The following IGSF10 variants were observed in gnomAD, a reference collection of about 807,000 sequenced individuals.
IGSF10 encodes the protein immunoglobulin superfamily member 10, also known as calvaria mechanical force protein 608.
Under a neutral mutation model 128.2 loss-of-function variants are expected in IGSF10, and 126 were observed. The ratio of observed to expected loss-of-function variants is 0.98; its 90% CI spans 0.85 to 1.14. The LOEUF (loss-of-function observed/expected upper bound fraction) is 1.14, where lower values mean the gene tolerates loss of function less well. IGSF10 is among the 50% of genes most tolerant of loss of function. The pLI, the probability that IGSF10 is intolerant of heterozygous loss-of-function variation, is 0.00. For synonymous variants in IGSF10, 1,185 were observed against 1,146.2 expected (o/e 1.03, Z -0.68); for missense variants, 3,295 against 3,149.8 (o/e 1.05, Z -1.10).
the IGSF10 span, among the ~76,000 whole-genome samples, chr3:151,492,458 AAATATT>A: frequency 2.0e-3 from 304 of 152,262 alleles, no homozygotes; most frequent in Non-Finnish European, 3.7e-3. Flanking sequence ...AGTTTTCTGA[AAATATT>A]AAAATTGGAA....
At chr3:151,436,145 C>CATCA (rs1720159981), downstream of IGSF10, 1 of 151,980 alleles carries the variant, frequency 6.6e-6, no homozygotes, top group African/African-American at 2.4e-5. Context: ...TTGTATTCCC[C>CATCA]ATCAATGAAA....
chr3:151,500,084 C>T, the IGSF10 span, among the ~76,000 whole-genome samples: 2 of 152,070 alleles, frequency 1.3e-5, no homozygotes, highest in African/African-American at 4.8e-5. Context: ...ACATTAATTA[C>T]CAATGAATTT....
the IGSF10 span, among the ~76,000 whole-genome samples, chr3:151,568,699 T>C: frequency 2.0e-5 from 3 of 152,142 alleles, no homozygotes; most frequent in Non-Finnish European, 4.4e-5. Flanking sequence ...AACCCTCCCA[T>C]GCAATAGAAA....
chr3:151,535,675 T>A, the IGSF10 span, among the ~76,000 whole-genome samples: 16 of 152,274 alleles, frequency 1.1e-4, no homozygotes, highest in South Asian at 4.1e-4. Flanking sequence ...TACATATATA[T>A]AAAGTATGGT....
chr3:151,461,277 C>A (rs1389495621), upstream of IGSF10: 9 of 985,244 alleles, frequency 9.1e-6, no homozygotes, highest in Non-Finnish European at 1.1e-5. Context: ...GTTTCAGTGG[C>A]CGCCCGTTCA....
At chr3:151,459,398 G>T (rs938355345) in intron 2 of IGSF10, among the ~76,000 whole-genome samples, 2 of 152,000 alleles carry the variant, frequency 1.3e-5, no homozygotes, top group Non-Finnish European at 2.9e-5. Flanking sequence ...TAATCCACTG[G>T]AAGGGAGAAT....
the IGSF10 span, among the ~76,000 whole-genome samples, chr3:151,492,224 G>A: frequency 2.0e-5 from 3 of 152,040 alleles, no homozygotes; most frequent in African/African-American, 7.2e-5. Flanking sequence ...TTTCTTCAAA[G>A]ACTACATATA....
chr3:151,462,110 A>G (rs1025251138), upstream of IGSF10, among the ~76,000 whole-genome samples: 15 of 152,050 alleles, frequency 9.9e-5, no homozygotes, highest in African/African-American at 3.4e-4. Context: ...CACATGTAAT[A>G]TCTCCTGCAA....
the IGSF10 span, among the ~76,000 whole-genome samples, chr3:151,600,802 T>C: frequency 6.6e-6 from 1 of 152,148 alleles, no homozygotes; most frequent in Non-Finnish European, 1.5e-5. Flanking sequence ...GACTGATAGA[T>C]GAAAAAATAA....
the IGSF10 span, among the ~76,000 whole-genome samples, chr3:151,587,906 G>A: frequency 6.6e-6 from 1 of 152,304 alleles, no homozygotes; most frequent in South Asian, 2.1e-4. Context: ...TGCCATGATT[G>A]TGGGGCTTCC....
the IGSF10 span, among the ~76,000 whole-genome samples, chr3:151,470,401 G>A: frequency 1.3e-5 from 2 of 152,154 alleles, no homozygotes; most frequent in Non-Finnish European, 2.9e-5. Context: ...GCAACCAAAA[G>A]ACAATTAAGA....
chr3:151,569,221 G>A, the IGSF10 span, among the ~76,000 whole-genome samples: 60 of 152,258 alleles, frequency 3.9e-4, no homozygotes, highest in Middle Eastern at 0.01. Flanking sequence ...ACAGGTATGC[G>A]CTACCACATC....
Position 151,446,160 on chromosome 3 carries a change from G to A in IGSF10, c.3821C>T (p.Thr1274Met), listed in dbSNP as rs185781794. Residue 1274 changes from threonine to methionine, a missense_variant, in exon 6 of 8, where the codon ACG becomes ATG. Physicochemically the swap from Thr to Met is moderately conservative, Grantham distance 81 (BLOSUM62 -1). Coordinates refer to ENST00000282466, the MANE Select transcript of IGSF10 (RefSeq NM_178822.5). ...SNTLTTAHHT[T>M]TKTHNPGSLP... Reference sequence around the variant, plus strand: ...ACTTCCAGGATTGTGTGTTTTGGTCGTAGTGTGGTGAGCGGTAGTCAAGGT... The same window carrying A: ...ACTTCCAGGATTGTGTGTTTTGGTCATAGTGTGGTGAGCGGTAGTCAAGGT... 2.9e-4 allele frequency: 465 copies of A among 1,614,112 alleles called. 6 individuals are homozygous for A. In the South Asian group the frequency reaches 4.6e-3, roughly 16 times the overall value.
Position 151,448,033 on chromosome 3 carries a change from G to C in IGSF10, c.1948C>G (p.Pro650Ala). The part of the protein sequence containing the change: ...QGYYRCVAAN[P>A]SGVDFLIFQV... ...AAAATCAAAAAATCAACCCCTGATG[G>C]GTTGGCTGCCACACAGCGATAATAA... The change falls in exon 6 of 8, where the codon CCA becomes GCA. Residue 650 changes from proline to alanine, a missense_variant. Physicochemically the swap from Pro to Ala is conservative, Grantham distance 27. Transcript: ENST00000282466. 6.2e-7 allele frequency: 1 copy of C among 1,614,118 alleles called. No homozygotes were observed. The highest frequency in any genetic ancestry group is 8.5e-7 in the Non-Finnish European group (1 of 1,180,032).
chr3:151,618,875 A>G, the IGSF10 span, among the ~76,000 whole-genome samples: 51 of 151,430 alleles, frequency 3.4e-4, no homozygotes, highest in East Asian at 9.4e-3. Context: ...GCTTTTTTTC[A>G]TATATTTTGT....
At chr3:151,460,718 C>T (rs1005499366) in intron 1 of IGSF10, among the ~76,000 whole-genome samples, 32 of 151,616 alleles carry the variant, frequency 2.1e-4, no homozygotes, top group Admixed American at 6.6e-5. Context: ...TATTGATTGT[C>T]TTTCCTCAGT....
chr3:151,576,323 C>A, the IGSF10 span, among the ~76,000 whole-genome samples: 1 of 152,028 alleles, frequency 6.6e-6, no homozygotes, highest in Non-Finnish European at 1.5e-5. Flanking sequence ...TGTCTGAAGT[C>A]AAAATTGTGA....
At position 151,438,136 on chromosome 3, in the gene IGSF10, C is replaced by CGGGGAGCAGCTGTTATAACTGTTAA; in HGVS notation, c.6400_6424dup (p.Arg2142LeufsTer14). On this transcript the variant is annotated frameshift_variant, in exon 8 of 8. Transcript: ENST00000282466. LOFTEE classifies it low-confidence loss of function (END_TRUNC). Reference sequence around the variant, plus strand: ...GTTGGTTTTGTTACTCTGCCTTATCCGGGGAGCAGCTGTTATAACTGTTAA... The same window carrying CGGGGAGCAGCTGTTATAACTGTTAA: ...GTTGGTTTTGTTACTCTGCCTTATCCGGGGAGCAGCTGTTATAACTGTTAAGGGGAGCAGCTGTTATAACTGTTAA... 1 of 1,614,124 alleles carries CGGGGAGCAGCTGTTATAACTGTTAA rather than the reference C, an allele frequency of 6.2e-7. No individual in the cohort carries two copies. Among genetic ancestry groups the CGGGGAGCAGCTGTTATAACTGTTAA allele is most frequent in the Non-Finnish European group, 8.5e-7 (1 of 1,180,014 alleles).
Position 151,460,987 on chromosome 3 carries a change from A to C in IGSF10, c.-130T>G, listed in dbSNP as rs964050838. The C allele has an allele frequency of 5.1e-6, 5 of 984,528 alleles. No homozygotes were observed. In the African/African-American group the frequency reaches 5.2e-5, roughly 10 times the overall value. 61.0% of individuals were successfully genotyped at this position (984,528 alleles called of 1,614,324 possible). A position where few individuals can be genotyped will look rare whatever the true frequency, so the allele number is the denominator to read the frequency against. ...CCAATGGGCTCGAGCTGCCCGGGCT[A>C]GGTCCCGGGCTCGGTCCCGGGCTCA... On this transcript the variant is annotated 5_prime_UTR_variant, in exon 1 of 8. Coordinates refer to ENST00000282466, the MANE Select transcript of IGSF10 (RefSeq NM_178822.5).
Sources: allele counts gnomAD v4.1 joint callset (sites outside exome capture counted in the v4.1 genomes callset), GRCh38; gene constraint gnomAD v4.1.1; transcripts MANE v1.5; gene names NCBI Gene and HGNC (gene_info 2026-07-23, HGNC 2026-07-21).